The following CPAP variants were observed in gnomAD, a reference collection of about 807,000 sequenced individuals.
CPAP encodes the protein centrosome assembly and centriole elongation protein.
the CPAP span, among the ~76,000 whole-genome samples, chr13:24,891,540 C>T: frequency 7.9e-5 from 12 of 152,172 alleles, no homozygotes; most frequent in South Asian, 2.5e-3. Context: ...TGAGGCCATT[C>T]CTGACTCCTT....
chr13:24,903,957 T>C, the CPAP span: 19 of 1,614,052 alleles, frequency 1.2e-5, no homozygotes, highest in African/African-American at 2.0e-4. Context: ...TCTCGTTCAA[T>C]GCGAAGTTTA....
At chr13:24,911,958 A>G in the CPAP span, 3 of 1,614,040 alleles carry the variant, frequency 1.9e-6, no homozygotes, top group Non-Finnish European at 1.7e-6. Flanking sequence ...GGAAGTGTGC[A>G]CTGCCCAGAC....
chr13:24,894,857 G>A, the CPAP span, among the ~76,000 whole-genome samples: 14 of 152,178 alleles, frequency 9.2e-5, no homozygotes, highest in Non-Finnish European at 1.2e-4. Flanking sequence ...GAAGAGAGGG[G>A]AGCCCCTAGG....
At chr13:24,910,076 T>C in the CPAP span, 1 of 1,612,424 alleles carries the variant, frequency 6.2e-7, no homozygotes, top group African/African-American at 1.3e-5. Flanking sequence ...CATCAGGCAG[T>C]AAACTCAAAC....
chr13:24,919,264 A>C, the CPAP span, among the ~76,000 whole-genome samples: 3 of 152,256 alleles, frequency 2.0e-5, no homozygotes, highest in Non-Finnish European at 2.9e-5. Context: ...AGCCATAAAA[A>C]ATTACAAGCA....
At chr13:24,892,663 C>G in the CPAP span, 1 of 1,614,084 alleles carries the variant, frequency 6.2e-7, no homozygotes, top group Non-Finnish European at 8.5e-7. Flanking sequence ...TCCTTCTTCT[C>G]CACCTCGAGG....
chr13:24,886,093 C>T, the CPAP span: 1 of 378,588 alleles, frequency 2.6e-6, no homozygotes, highest in Non-Finnish European at 5.2e-6. Context: ...ACACCAATCA[C>T]ATACTGTACC....
At chr13:24,885,720 T>C in the CPAP span, 1 of 1,276,390 alleles carries the variant, frequency 7.8e-7, no homozygotes, top group Non-Finnish European at 1.1e-6. Flanking sequence ...AATTGAAAAT[T>C]TTATTAGTAT....
the CPAP span, among the ~76,000 whole-genome samples, chr13:24,924,032 A>G: frequency 0.042 from 6,460 of 152,066 alleles, 236 homozygotes; most frequent in African/African-American, 0.1. Flanking sequence ...AAGGGGTTTC[A>G]CCGTGTTAGC....
chr13:24,907,917 A>C, the CPAP span: 14 of 916,290 alleles, frequency 1.5e-5, no homozygotes, highest in African/African-American at 2.1e-4. Context: ...TCAAGCAAAA[A>C]CCAGAAAAAT....
At chr13:24,920,784 C>CTTTT in the CPAP span, among the ~76,000 whole-genome samples, 33 of 140,190 alleles carry the variant, frequency 2.4e-4, no homozygotes, top group Non-Finnish European at 3.8e-4. Context: ...CCATACCTGG[C>CTTTT]TTTTTTTTTT....
the CPAP span, among the ~76,000 whole-genome samples, chr13:24,929,402 T>C: frequency 6.6e-6 from 1 of 152,234 alleles, no homozygotes; most frequent in Non-Finnish European, 1.5e-5. Context: ...AGATACAGAA[T>C]TCATGGTTGC....
chr13:24,903,053 T>C, the CPAP span, among the ~76,000 whole-genome samples: 1 of 152,098 alleles, frequency 6.6e-6, no homozygotes, highest in Non-Finnish European at 1.5e-5. Flanking sequence ...ACAAGTACAA[T>C]TAAAAAATAT....
chr13:24,913,394 T>TAA, the CPAP span, among the ~76,000 whole-genome samples: 1 of 146,096 alleles, frequency 6.8e-6, no homozygotes, highest in Non-Finnish European at 1.5e-5. Context: ...GTTATTCACT[T>TAA]AAAAAAAAAA....
the CPAP span, among the ~76,000 whole-genome samples, chr13:24,921,198 G>A: frequency 2.0e-5 from 3 of 152,188 alleles, no homozygotes; most frequent in Non-Finnish European, 4.4e-5. Flanking sequence ...ATCTATAGAT[G>A]CTGAGGTAAC....
the CPAP span, chr13:24,884,014 T>A: frequency 6.2e-7 from 1 of 1,614,132 alleles, no homozygotes; most frequent in Non-Finnish European, 8.5e-7. Context: ...TTCTTGTCCA[T>A]CAGGAAATAA....
chr13:24,887,704 A>T, the CPAP span, among the ~76,000 whole-genome samples: 3 of 152,202 alleles, frequency 2.0e-5, no homozygotes, highest in Non-Finnish European at 4.4e-5. Context: ...CAATAAATTT[A>T]ATGTGGTGCT....
At chr13:24,918,506 C>T in the CPAP span, among the ~76,000 whole-genome samples, 2 of 152,156 alleles carry the variant, frequency 1.3e-5, no homozygotes, top group Non-Finnish European at 2.9e-5. Context: ...CTACTGTTGA[C>T]TGGAGGCCTT....
chr13:24,894,047 G>A, the CPAP span, among the ~76,000 whole-genome samples: 1 of 152,194 alleles, frequency 6.6e-6, no homozygotes, highest in African/African-American at 2.4e-5. Context: ...GGGAGGCAGC[G>A]CGTGTGGGAA....
Sources: allele counts gnomAD v4.1 joint callset (sites outside exome capture counted in the v4.1 genomes callset), GRCh38; gene constraint gnomAD v4.1.1; transcripts MANE v1.5; gene names NCBI Gene and HGNC (gene_info 2026-07-23, HGNC 2026-07-21).